The following ARID1B variants were observed in gnomAD, a reference collection of about 807,000 sequenced individuals.
ARID1B encodes the protein AT-rich interaction domain 1B.
In ARID1B, 30 loss-of-function variants were observed where a neutral mutation model predicts 212.3. The observed-to-expected ratio is 0.14, with a 90% CI of 0.11 to 0.19. ARID1B has a LOEUF of 0.19. Ranked by LOEUF, ARID1B falls within the 10% of genes least tolerant of loss-of-function variation. The pLI is 1.00. For synonymous variants in ARID1B, 1,402 were observed against 1,301.7 expected (o/e 1.08, Z -1.66); for missense variants, 2,891 against 3,204.0 (o/e 0.90, Z 2.36).
At chr6:157,144,728 G>A (rs1020648133) in intron 7 of ARID1B, among the ~76,000 whole-genome samples, 3 of 152,288 alleles carry the variant, frequency 2.0e-5, no homozygotes, top group African/African-American at 7.2e-5. Context: ...ACCTACCAGG[G>A]TGCACAGAAG....
intron 1 of ARID1B, among the ~76,000 whole-genome samples, chr6:156,827,299 C>G (rs1388151287): frequency 6.6e-6 from 1 of 152,226 alleles, no homozygotes; most frequent in Non-Finnish European, 1.5e-5. Context: ...GCTTCTCCCT[C>G]TGCACACTCC....
At chr6:156,935,030 C>T (rs1202590830) in intron 3 of ARID1B, among the ~76,000 whole-genome samples, 1 of 144,710 alleles carries the variant, frequency 6.9e-6, no homozygotes, top group Non-Finnish European at 1.5e-5. Context: ...TAAATTATAG[C>T]CATAACATAT....
intron 4 of ARID1B, chr6:156,941,999 A>C (rs1405897160): frequency 6.6e-6 from 1 of 152,186 alleles, no homozygotes; most frequent in Non-Finnish European, 1.5e-5. Context: ...AATTTGTTTA[A>C]TTTTTTAAAA....
intron 4 of ARID1B, among the ~76,000 whole-genome samples, chr6:156,973,702 T>C (rs1777073127): frequency 6.6e-6 from 1 of 152,224 alleles, no homozygotes; most frequent in Admixed American, 6.5e-5. Context: ...CTTGATTTGT[T>C]TGTCTTGAAA....
intron 4 of ARID1B, among the ~76,000 whole-genome samples, chr6:157,010,804 AG>A (rs1204744734): frequency 6.6e-6 from 1 of 152,182 alleles, no homozygotes; most frequent in Non-Finnish European, 1.5e-5. Context: ...ATAAGAAAGT[AG>A]GTGTGACCTC....
intron 2 of ARID1B, among the ~76,000 whole-genome samples, chr6:156,849,191 C>T (rs1212439552): frequency 6.6e-6 from 1 of 152,104 alleles, no homozygotes; most frequent in African/African-American, 2.4e-5. Flanking sequence ...AAATTGTTGC[C>T]TCGATTCTTC....
chr6:156,851,318 T>G (rs1784568014), intron 2 of ARID1B, among the ~76,000 whole-genome samples: 1 of 152,144 alleles, frequency 6.6e-6, no homozygotes, highest in Admixed American at 6.5e-5. Flanking sequence ...TTGTTCCGGG[T>G]TATTTATTTA....
chr6:157,175,329 C>T (rs1278198683), intron 11 of ARID1B: 1 of 159,238 alleles, frequency 6.3e-6, no homozygotes, highest in African/African-American at 2.4e-5. Flanking sequence ...CCATTATGCA[C>T]TTATAGAAGA....
chr6:156,991,190 A>T (rs116124167), intron 4 of ARID1B, among the ~76,000 whole-genome samples: 40 of 152,008 alleles, frequency 2.6e-4, no homozygotes, highest in Non-Finnish European at 4.4e-5. Flanking sequence ...GTCTCTTGTG[A>T]TACTCATTGG....
chr6:156,857,974 T>C (rs1204325448), intron 2 of ARID1B, among the ~76,000 whole-genome samples: 1 of 152,124 alleles, frequency 6.6e-6, no homozygotes, highest in Non-Finnish European at 1.5e-5. Context: ...AAATACAACT[T>C]AGGTGTCCAT....
At chr6:156,945,125 C>G (rs553743880) in intron 4 of ARID1B, among the ~76,000 whole-genome samples, 7 of 141,446 alleles carry the variant, frequency 4.9e-5, no homozygotes, top group Admixed American at 2.2e-4. Context: ...TTAGTAGAGA[C>G]GGGGTTTCAC....
Position 157,144,234 on chromosome 6 carries a change from C to T in ARID1B, c.2762-4390C>T, listed in dbSNP as rs191476314. On this transcript the variant is annotated intron_variant, in intron 7 of 19. Transcript: ENST00000636930. ...CAGGAGGTTGGAGTGCCAGCATTTC[C>T]GCATTCCAGCTATAAGCAGAATTCT... 5.9e-4 allele frequency among the ~76,000 whole-genome samples: 90 copies of T among 152,320 alleles called. No individual in the cohort carries two copies. The East Asian group carries it at 0.012, about 21-fold the overall frequency.
chr6:157,161,431 G>GTGTATATATATATATATA (rs540423195), intron 8 of ARID1B, among the ~76,000 whole-genome samples: 5 of 139,376 alleles, frequency 3.6e-5, no homozygotes, highest in Non-Finnish European at 6.2e-5. Flanking sequence ...TTGTGTGTGT[G>GTGTATATATATATATATA]TATATATATA....
At chr6:157,202,680 A>G (rs1794185363) in intron 18 of ARID1B, among the ~76,000 whole-genome samples, 1 of 151,432 alleles carries the variant, frequency 6.6e-6, no homozygotes, top group African/African-American at 2.4e-5. Context: ...ATTCCTTTAT[A>G]TATATCTATC....
intron 4 of ARID1B, chr6:156,936,767 A>T (rs1012248543): frequency 6.6e-6 from 1 of 151,988 alleles, no homozygotes; most frequent in Non-Finnish European, 1.5e-5. Context: ...TTGTTTTAAG[A>T]TGGGAATTCA....
Position 156,778,847 on chromosome 6 carries a change from GGGCGGCGGCGGC to G in ARID1B, c.1182_1193del (p.Gly399_Gly402del), listed in dbSNP as rs587779747. ...ATCCGGGCTACAGCCGGCCCGGCGC[GGGCGGCGGCGGC>G]GGCGGCGGCGGCGGAGGAGGAGGAG... On this transcript the variant is annotated inframe_deletion, in exon 1 of 20. Transcript: ENST00000636930. The G allele has an allele frequency of 9.1e-5, 128 of 1,403,380 alleles. 1 individual carries two copies. The highest frequency in any genetic ancestry group is 4.0e-4 in the South Asian group (25 of 63,238). The allele number at this position is 1,403,380 out of a possible 1,614,324, so 86.9% of individuals were successfully genotyped here.
intron 1 of ARID1B, among the ~76,000 whole-genome samples, chr6:156,824,722 G>C (rs926882417): frequency 6.6e-6 from 1 of 152,214 alleles, no homozygotes; most frequent in East Asian, 1.9e-4. Flanking sequence ...CTGAGATTGT[G>C]CCACTGCACT....
chr6:156,958,716 G>A (rs73007064), intron 4 of ARID1B, among the ~76,000 whole-genome samples: 6,284 of 151,874 alleles, frequency 0.041, 180 homozygotes, highest in Middle Eastern at 0.11. Flanking sequence ...TGAAATAATC[G>A]TCTTCCTCCT....
At chr6:156,974,778 A>T (rs1300927623) in intron 4 of ARID1B, among the ~76,000 whole-genome samples, 1 of 152,224 alleles carries the variant, frequency 6.6e-6, no homozygotes, top group Non-Finnish European at 1.5e-5. Flanking sequence ...ACTTACTTTC[A>T]AGTTCCATTA....
Sources: allele counts gnomAD v4.1 joint callset (sites outside exome capture counted in the v4.1 genomes callset), GRCh38; gene constraint gnomAD v4.1.1; transcripts MANE v1.5; gene names NCBI Gene and HGNC (gene_info 2026-07-23, HGNC 2026-07-21).